Variants in TMEM165 observed in about 807,000 individuals in gnomAD.
The protein encoded by TMEM165 is putative divalent cation/proton antiporter TMEM165.
In TMEM165, 19 loss-of-function variants were observed where a neutral mutation model predicts 30.0. The observed-to-expected ratio is 0.63, with a 90% CI of 0.44 to 0.93. The LOEUF (loss-of-function observed/expected upper bound fraction) is 0.93, where lower values mean the gene tolerates loss of function less well. Among genes scored for constraint, TMEM165 ranks in the 40% least tolerant of loss-of-function variants. The pLI, the probability that TMEM165 is intolerant of heterozygous loss-of-function variation, is 0.00. For synonymous variants in TMEM165, 168 were observed against 162.9 expected, an observed-to-expected ratio of 1.03 and a Z score of -0.24; for missense variants, 340 against 417.0, an observed-to-expected ratio of 0.82 and a Z score of 1.61.
intron 4 of TMEM165, among the ~76,000 whole-genome samples, chr4:55,418,571 A>G (rs1325314025): frequency 6.6e-6 from 1 of 152,120 alleles, no homozygotes; most frequent in East Asian, 1.9e-4. Context: ...ACACTAAAGA[A>G]ATTGACTGTT....
intron 1 of TMEM165, among the ~76,000 whole-genome samples, chr4:55,402,347 C>T (rs1318360423): frequency 7.7e-6 from 1 of 130,110 alleles, no homozygotes; most frequent in South Asian, 2.3e-4. Context: ...TGTTATCTTT[C>T]GAAATCAGGT....
At chr4:55,437,645 G>T (rs890820962) in intron 3 of TMEM165, among the ~76,000 whole-genome samples, 1 of 152,106 alleles carries the variant, frequency 6.6e-6, no homozygotes, top group Non-Finnish European at 1.5e-5. Flanking sequence ...AATCCATGAG[G>T]TATCAATTAT....
Position 55,396,089 on chromosome 4 carries a change from C to T in TMEM165, c.-101C>T. 3 of 1,014,954 alleles carry T rather than the reference C, an allele frequency of 3.0e-6. No homozygotes were observed. The highest frequency in any genetic ancestry group is 3.5e-5 in the East Asian group (1 of 28,724). The allele number at this position is 1,014,954 out of a possible 1,614,324, so 62.9% of individuals were successfully genotyped here. The stretch of plus-strand genomic sequence containing the variant: ...ACTGCTCCCTAAGCGGCGGCGGCGG[C>T]GAGTCGTGAGGACGCGCCGCGGAGG... On this transcript the variant is annotated 5_prime_UTR_variant, in exon 1 of 6. Transcript: ENST00000381334.
chr4:55,415,806 C>T (rs1166142925), intron 2 of TMEM165: 9 of 151,694 alleles, frequency 5.9e-5, no homozygotes, highest in African/African-American at 2.2e-4. Context: ...GTGTTGCACC[C>T]GTTTTATAAA....
downstream of TMEM165, chr4:55,428,431 C>G (rs943853925): frequency 2.6e-5 from 4 of 152,144 alleles, no homozygotes; most frequent in Admixed American, 6.5e-5. Context: ...CCTAATATAG[C>G]ACCGTTGAAA....
At chr4:55,422,035 A>G (rs775413039) in intron 4 of TMEM165, among the ~76,000 whole-genome samples, 71 of 152,138 alleles carry the variant, frequency 4.7e-4, no homozygotes, top group Non-Finnish European at 9.0e-4. Context: ...TTGCATACTT[A>G]GCCCATGGGA....
chr4:55,403,287 GCATCTT>G (rs1325353034), intron 1 of TMEM165: 3 of 1,281,086 alleles, frequency 2.3e-6, no homozygotes, highest in Non-Finnish European at 3.0e-6. Context: ...TTCAAGGAAA[GCATCTT>G]CATCTTCTCT....
intron 1 of TMEM165, among the ~76,000 whole-genome samples, chr4:55,406,699 G>T (rs1390034152): frequency 1.1e-4 from 16 of 152,016 alleles, no homozygotes; most frequent in Admixed American, 1.0e-3. Flanking sequence ...TCACTCTGTT[G>T]CCCAGGCTGG....
chr4:55,402,434 T>TATATATATATATATATATATATATA (rs1224256602), intron 1 of TMEM165, among the ~76,000 whole-genome samples: 1 of 27,058 alleles, frequency 3.7e-5, no homozygotes, highest in African/African-American at 1.8e-4. Context: ...TATATATATA[T>TATATATATATATATATATATATATA]TTTTTTTTTT....
At position 55,402,795 on chromosome 4, in the gene TMEM165, C is replaced by CTTTTTTTTTTTTTTTTTTTTTTT. The variant is rs71194554; in HGVS notation, c.207+6413_207+6414insTTTTTTTTTTTTTTTTTTTTTTT. On this transcript the variant is annotated intron_variant, in intron 1 of 5. Transcript: ENST00000381334. ...ACATTTTTACAACTTTTAAAAAAAG[C>CTTTTTTTTTTTTTTTTTTTTTTT]TTTTTTTTTTTTTTGAGACGGAGTC... Among the ~76,000 whole-genome samples the CTTTTTTTTTTTTTTTTTTTTTTT allele has an allele frequency of 1.1e-4, 8 of 71,410 alleles. 3 individuals are homozygous for CTTTTTTTTTTTTTTTTTTTTTTT. Among genetic ancestry groups the CTTTTTTTTTTTTTTTTTTTTTTT allele is most frequent in the African/African-American group, 1.9e-4 (3 of 15,840 alleles). 46.8% of individuals were successfully genotyped at this position (71,410 alleles called of 152,430 possible).
downstream of TMEM165, among the ~76,000 whole-genome samples, chr4:55,427,365 A>G (rs557240050): frequency 5.1e-3 from 96 of 18,772 alleles, 1 homozygote; most frequent in African/African-American, 0.035. Flanking sequence ...TTTGGAGACA[A>G]TCTATCTCAC....
chr4:55,422,383 G>C (rs959936273), intron 4 of TMEM165, among the ~76,000 whole-genome samples: 1 of 151,836 alleles, frequency 6.6e-6, no homozygotes, highest in African/African-American at 2.4e-5. Context: ...TCAGCCTCCC[G>C]AGTAGCTAGG....
chr4:55,396,405 G>A lies in TMEM165; in HGVS notation c.207+9G>A. 6.8e-7 allele frequency: 1 copy of A among 1,463,596 alleles called. No individual in the cohort carries two copies. Among genetic ancestry groups the A allele is most frequent in the Non-Finnish European group, 9.0e-7 (1 of 1,115,016 alleles). 90.7% of individuals were successfully genotyped at this position (1,463,596 alleles called of 1,614,324 possible). A position where few individuals can be genotyped will look rare whatever the true frequency, so the allele number is the denominator to read the frequency against. ...AGCCGGCCCGGGTCGAGGTGAGCGG[G>A]CCGGGATGGGGCGAGCGAGGCTGCA... On this transcript the variant is annotated intron_variant, in intron 1 of 5. Coordinates refer to ENST00000381334, the MANE Select transcript of TMEM165 (RefSeq NM_018475.5).
At chr4:55,428,889 G>A (rs1439277224), downstream of TMEM165, 1 of 149,972 alleles carries the variant, frequency 6.7e-6, no homozygotes, top group African/African-American at 2.5e-5. Context: ...ATGCCATACT[G>A]AGGCCTTCCC....
Position 55,411,525 on chromosome 4 carries a change from A to G in TMEM165, c.208-89A>G. ...ATAAGTGTAATGACCATGACAAGAA[A>G]ATTTTCAAAAAAACTAAATCTTATT... On this transcript the variant is annotated intron_variant, in intron 1 of 5. Transcript: ENST00000381334. 4 of 1,252,086 alleles carry G rather than the reference A, an allele frequency of 3.2e-6. No homozygotes were observed. The South Asian group carries it at 4.1e-5, about 13-fold the overall frequency. The allele number at this position is 1,252,086 out of a possible 1,614,324, so 77.6% of individuals were successfully genotyped here.
intron 3 of TMEM165, chr4:55,434,546 T>C (rs144092443): frequency 0.016 from 2,390 of 152,426 alleles, 45 homozygotes; most frequent in South Asian, 0.025. Flanking sequence ...AAATGAGGGA[T>C]ATTTCTGAAT....
At chr4:55,396,619 C>G (rs892790223) in intron 1 of TMEM165, among the ~76,000 whole-genome samples, 2 of 152,294 alleles carry the variant, frequency 1.3e-5, no homozygotes, top group East Asian at 3.9e-4. Flanking sequence ...GAGGAGCCCG[C>G]TATAAACGTT....
chr4:55,427,097 G>GATC (rs1219110457), downstream of TMEM165, among the ~76,000 whole-genome samples: 2 of 148,818 alleles, frequency 1.3e-5, no homozygotes, highest in African/African-American at 5.0e-5. Flanking sequence ...GCAGTGGTGT[G>GATC]ATCTTGGCTC....
chr4:55,427,346 T>TTTTA (rs1553887677), downstream of TMEM165, among the ~76,000 whole-genome samples: 4 of 133,318 alleles, frequency 3.0e-5, no homozygotes, highest in Non-Finnish European at 6.2e-5. Context: ...TACTAATACG[T>TTTTA]TTTGTTTGTT....
Sources: allele counts gnomAD v4.1 joint callset (sites outside exome capture counted in the v4.1 genomes callset), GRCh38; gene constraint gnomAD v4.1.1; transcripts MANE v1.5; gene names NCBI Gene and HGNC (gene_info 2026-07-23, HGNC 2026-07-21).